CCSER1: variants seen among roughly 807,000 people sequenced by gnomAD.
CCSER1 encodes coiled-coil serine rich protein 1, also known as serine-rich coiled-coil domain-containing protein 1.
Under a neutral mutation model 82.0 loss-of-function variants are expected in CCSER1, and 41 were observed. The ratio of observed to expected loss-of-function variants is 0.50; its 90% CI spans 0.39 to 0.65. The LOEUF (loss-of-function observed/expected upper bound fraction) is 0.65, where lower values mean the gene tolerates loss of function less well. Among genes scored for constraint, CCSER1 ranks in the 30% least tolerant of loss-of-function variants. The pLI is 0.00. For missense variants in CCSER1, 1,119 were observed against 1,064.2 expected (o/e 1.05, Z -0.72); for synonymous variants, 414 against 383.9 (o/e 1.08, Z -0.92).
At chr4:90,429,364 A>T (rs928504726) in intron 4 of CCSER1, among the ~76,000 whole-genome samples, 3 of 151,848 alleles carry the variant, frequency 2.0e-5, no homozygotes, top group Non-Finnish European at 4.4e-5. Context: ...GCAATCCATC[A>T]GAAGATAGTC....
chr4:90,769,257 C>A (rs1054239331), intron 7 of CCSER1, among the ~76,000 whole-genome samples: 5 of 152,150 alleles, frequency 3.3e-5, no homozygotes, highest in African/African-American at 1.2e-4. Context: ...CCCCAAGAAA[C>A]TTCACAGGAG....
intron 10 of CCSER1, among the ~76,000 whole-genome samples, chr4:91,205,620 C>T (rs1158974455): frequency 6.6e-6 from 1 of 150,884 alleles, no homozygotes; most frequent in Non-Finnish European, 1.5e-5. Context: ...TTCCTTCCTC[C>T]TTCCCTCCCT....
chr4:91,561,366 T>C (rs1404929615), intron 10 of CCSER1, among the ~76,000 whole-genome samples: 1 of 151,432 alleles, frequency 6.6e-6, no homozygotes, highest in Non-Finnish European at 1.5e-5. Flanking sequence ...CAAATATTGT[T>C]AGTTTTTCCT....
intron 10 of CCSER1, among the ~76,000 whole-genome samples, chr4:91,133,280 T>C (rs188165455): frequency 1.8e-4 from 27 of 152,274 alleles, no homozygotes; most frequent in Admixed American, 1.0e-3. Context: ...TTTTCTTTCA[T>C]TCCTTTGAAG....
At chr4:90,394,185 C>A (rs920956577) in intron 3 of CCSER1, among the ~76,000 whole-genome samples, 1 of 150,774 alleles carries the variant, frequency 6.6e-6, no homozygotes, top group Non-Finnish European at 1.5e-5. Flanking sequence ...TTCACACTAA[C>A]CAAACATAAG....
At chr4:90,891,720 G>C (rs1271885172) in intron 8 of CCSER1, among the ~76,000 whole-genome samples, 3 of 151,928 alleles carry the variant, frequency 2.0e-5, no homozygotes, top group African/African-American at 4.8e-5. Flanking sequence ...TTACCAGCTG[G>C]TTTCCTTGAA....
At chr4:91,303,900 G>C (rs1253289871) in intron 10 of CCSER1, among the ~76,000 whole-genome samples, 2 of 152,042 alleles carry the variant, frequency 1.3e-5, no homozygotes, top group Non-Finnish European at 2.9e-5. Flanking sequence ...AAGGGAAACT[G>C]TGGAGCAGGG....
At chr4:91,437,003 C>G (rs1413971686) in intron 10 of CCSER1, among the ~76,000 whole-genome samples, 1 of 152,160 alleles carries the variant, frequency 6.6e-6, no homozygotes, top group Non-Finnish European at 1.5e-5. Flanking sequence ...GAGTGAAGGC[C>G]TGCTGAGATC....
intron 10 of CCSER1, among the ~76,000 whole-genome samples, chr4:91,381,872 T>C (rs1350965740): frequency 6.6e-6 from 1 of 152,166 alleles, no homozygotes; most frequent in Non-Finnish European, 1.5e-5. Flanking sequence ...ATCTTCATGG[T>C]TTTATCTACC....
At chr4:91,282,025 T>C (rs528204223) in intron 10 of CCSER1, among the ~76,000 whole-genome samples, 28 of 152,344 alleles carry the variant, frequency 1.8e-4, no homozygotes, top group Middle Eastern at 3.4e-3. Flanking sequence ...AGACTTGATG[T>C]AACTTACAAA....
intron 5 of CCSER1, among the ~76,000 whole-genome samples, chr4:90,606,010 TTATAATA>T (rs983741813): frequency 1.2e-4 from 18 of 152,256 alleles, no homozygotes; most frequent in African/African-American, 4.3e-4. Flanking sequence ...ATATTTTTCA[TTATAATA>T]TATAAAGATA....
chr4:91,220,405 T>C (rs11097307), intron 10 of CCSER1, among the ~76,000 whole-genome samples: 18,999 of 152,222 alleles, frequency 0.12, 1,339 homozygotes, highest in Middle Eastern at 0.18. Context: ...TAATGGAACA[T>C]TTAAAAATTG....
chr4:91,012,401 C>T (rs1739065466), intron 9 of CCSER1, among the ~76,000 whole-genome samples: 1 of 115,158 alleles, frequency 8.7e-6, no homozygotes, highest in South Asian at 2.8e-4. Flanking sequence ...GGACAGGGCA[C>T]AGCAGTGACT....
chr4:90,272,979 G>A (rs1001906515), intron 1 of CCSER1, among the ~76,000 whole-genome samples: 4 of 151,912 alleles, frequency 2.6e-5, no homozygotes, highest in African/African-American at 4.8e-5. Context: ...CTCCAGCCTG[G>A]GTGACAGAGT....
intron 1 of CCSER1, among the ~76,000 whole-genome samples, chr4:90,136,792 A>G (rs916165750): frequency 3.9e-5 from 6 of 152,202 alleles, no homozygotes; most frequent in Non-Finnish European, 7.3e-5. Context: ...ATAATAGACA[A>G]TATTCTTCAA....
chr4:90,551,643 T>A (rs1439817069), intron 5 of CCSER1, among the ~76,000 whole-genome samples: 1 of 150,186 alleles, frequency 6.7e-6, no homozygotes, highest in South Asian at 2.1e-4. Context: ...TCATTTCCCA[T>A]GAAAATATAC....
At chr4:91,543,892 T>G (rs759707310) in intron 10 of CCSER1, among the ~76,000 whole-genome samples, 8 of 152,198 alleles carry the variant, frequency 5.3e-5, no homozygotes, top group African/African-American at 9.6e-5. Context: ...ATCCGGCAGA[T>G]TGTTTTCCAA....
rs114654781 is a variant in CCSER1, at chr4:91,003,216, C to T, written c.2172+79769C>T. On this transcript the variant is annotated intron_variant, in intron 9 of 10. Transcript: ENST00000509176. ...GGTTGCTTAAGGTATTATTTTTGTA[C>T]GAGTGGGCCTCCTGCCAGGAGCTGT... 8.4e-3 allele frequency among the ~76,000 whole-genome samples: 1,276 copies of T among 152,144 alleles called. 10 individuals are homozygous for T. The highest frequency in any genetic ancestry group is 0.022 in the African/African-American group (899 of 41,490).
chr4:91,483,034 G>A (rs1758029181), intron 10 of CCSER1, among the ~76,000 whole-genome samples: 1 of 151,530 alleles, frequency 6.6e-6, no homozygotes, highest in African/African-American at 2.4e-5. Flanking sequence ...CATGGCACAT[G>A]TATACATATG....
Sources: allele counts gnomAD v4.1 joint callset (sites outside exome capture counted in the v4.1 genomes callset), GRCh38; gene constraint gnomAD v4.1.1; transcripts MANE v1.5; gene names NCBI Gene and HGNC (gene_info 2026-07-23, HGNC 2026-07-21).